The following ST7 variants were observed in gnomAD, a reference collection of about 807,000 sequenced individuals.
The protein encoded by ST7 is suppressor of tumorigenicity 7 protein.
ST7 carries 28 observed loss-of-function variants against 78.7 expected under a neutral mutation model. That is an observed-to-expected ratio of 0.36 (90% CI 0.26 to 0.49). The LOEUF (loss-of-function observed/expected upper bound fraction) is 0.49, where lower values mean the gene tolerates loss of function less well. Ranked by LOEUF, ST7 falls within the 20% of genes least tolerant of loss-of-function variation. ST7 has a pLI of 0.99. For missense variants in ST7, 418 were observed against 696.0 expected, an observed-to-expected ratio of 0.60 and a Z score of 4.49; for synonymous variants, 247 against 249.6, an observed-to-expected ratio of 0.99 and a Z score of 0.10.
At chr7:117,096,067 C>CAAA (rs35970973) in intron 1 of ST7, among the ~76,000 whole-genome samples, 759 of 35,662 alleles carry the variant, frequency 0.021, 36 homozygotes, top group Non-Finnish European at 0.026. Context: ...GATTCTGCCT[C>CAAA]AAAAAAAAAA....
At chr7:116,997,197 C>T (rs1423284242) in intron 1 of ST7, among the ~76,000 whole-genome samples, 1 of 152,074 alleles carries the variant, frequency 6.6e-6, no homozygotes, top group Non-Finnish European at 1.5e-5. Context: ...TAGTGCCGAC[C>T]CAAAGAGTGA....
At chr7:117,107,905 G>A (rs1263355357) in intron 2 of ST7, among the ~76,000 whole-genome samples, 1 of 151,534 alleles carries the variant, frequency 6.6e-6, no homozygotes, top group Non-Finnish European at 1.5e-5. Flanking sequence ...GTCAGCCACT[G>A]CACCCGGCCC....
At chr7:117,197,970 C>T (rs1810478120) in intron 12 of ST7, among the ~76,000 whole-genome samples, 1 of 152,120 alleles carries the variant, frequency 6.6e-6, no homozygotes, top group Non-Finnish European at 1.5e-5. Flanking sequence ...ACTTGGGAGG[C>T]TGAGCCAGAA....
chr7:117,033,339 A>G (rs1270212378), intron 1 of ST7, among the ~76,000 whole-genome samples: 1 of 152,046 alleles, frequency 6.6e-6, no homozygotes, highest in African/African-American at 2.4e-5. Context: ...GGCAGTTTAC[A>G]TTCTAAGGGG....
At chr7:117,029,277 A>C (rs1024831167) in intron 1 of ST7, among the ~76,000 whole-genome samples, 1 of 152,016 alleles carries the variant, frequency 6.6e-6, no homozygotes, top group African/African-American at 2.4e-5. Context: ...AGTCTTTTTA[A>C]TTTTTGCCAA....
intron 1 of ST7, among the ~76,000 whole-genome samples, chr7:117,026,790 G>T (rs1196935585): frequency 6.6e-6 from 1 of 152,200 alleles, no homozygotes; most frequent in South Asian, 2.1e-4. Flanking sequence ...CTTATCAAGG[G>T]GTGTTTGTGG....
chr7:117,197,368 C>T (rs1009319595), intron 12 of ST7, among the ~76,000 whole-genome samples: 21 of 152,236 alleles, frequency 1.4e-4, no homozygotes, highest in Admixed American at 4.6e-4. Context: ...ATTGACATGA[C>T]GGGTCAACTT....
chr7:117,198,426 G>T, intron 12 of ST7: 1 of 389,728 alleles, frequency 2.6e-6, no homozygotes, highest in South Asian at 1.9e-5. Flanking sequence ...GCACCTCAAT[G>T]CCTTGGCCTT....
Position 117,230,075 on chromosome 7 carries a change from A to G in ST7, c.*218A>G, listed in dbSNP as rs780900255. 1.4e-6 allele frequency: 1 copy of G among 708,680 alleles called. No individual in the cohort carries two copies. The highest frequency in any genetic ancestry group is 1.5e-5 in the South Asian group (1 of 66,252). The allele number at this position is 708,680 out of a possible 1,614,324, so 43.9% of individuals were successfully genotyped here. On this transcript the variant is annotated 3_prime_UTR_variant, in exon 16 of 16. Coordinates refer to ENST00000323984, the MANE Select transcript of ST7 (RefSeq NM_001369598.1). ...TTTGCCTTCAGAAAAGAAGAAAGTC[A>G]AAAATAAAACTTTTGTGTATTACAG...
rs550508659 is a variant in ST7, at chr7:116,969,195, A to T, written c.151+15504A>T. Among the ~76,000 whole-genome samples, 10 of 152,188 alleles carry T rather than the reference A, an allele frequency of 6.6e-5. No individual in the cohort carries two copies. In the South Asian group the frequency reaches 2.1e-3, roughly 32 times the overall value. ...TTTGAGGAGTATCATATCTCCCTAC[A>T]ATCCTCTTGCATGTGGCAGTTTTTC... On this transcript the variant is annotated intron_variant, in intron 1 of 15. Transcript: ENST00000323984.
chr7:117,061,534 C>G (rs1463184261), intron 1 of ST7, among the ~76,000 whole-genome samples: 4 of 152,068 alleles, frequency 2.6e-5, no homozygotes, highest in Middle Eastern at 3.2e-3. Context: ...TGTAAATTAT[C>G]TGAATCCCAG....
At chr7:117,022,592 A>G (rs1795980170) in intron 1 of ST7, among the ~76,000 whole-genome samples, 1 of 152,196 alleles carries the variant, frequency 6.6e-6, no homozygotes, top group African/African-American at 2.4e-5. Flanking sequence ...ATTCAGGAAA[A>G]TAGTCACATT....
At chr7:117,201,818 G>A (rs1195849151) in intron 12 of ST7, among the ~76,000 whole-genome samples, 1 of 151,846 alleles carries the variant, frequency 6.6e-6, no homozygotes, top group Non-Finnish European at 1.5e-5. Flanking sequence ...TATGTCTTGA[G>A]GCCATCTCGA....
rs1792929684 is a variant in ST7, at chr7:117,219,491, G to C, written c.1498+315G>C. Among the ~76,000 whole-genome samples the C allele has an allele frequency of 6.6e-6, 1 of 152,242 alleles. No homozygotes were observed. The highest frequency in any genetic ancestry group is 1.5e-5 in the Non-Finnish European group (1 of 68,042). On this transcript the variant is annotated intron_variant, in intron 14 of 15. Coordinates refer to ENST00000323984, the MANE Select transcript of ST7 (RefSeq NM_001369598.1). The surrounding 1 kb of genome is among the most constrained non-coding windows in gnomAD (Gnocchi z 5.1). ...GGTGTCTGCTGGGCTGGTCCATTGT[G>C]AGGGTTCTGCCTGGGCTCTTCAGCT...
chr7:117,116,962 A>C (rs894236497), intron 2 of ST7, among the ~76,000 whole-genome samples: 1 of 152,220 alleles, frequency 6.6e-6, no homozygotes, highest in Non-Finnish European at 1.5e-5. Context: ...GGACAGTGTC[A>C]GAGGGCACTT....
At chr7:117,176,986 A>C (rs1276149256) in intron 10 of ST7, among the ~76,000 whole-genome samples, 7 of 152,208 alleles carry the variant, frequency 4.6e-5, no homozygotes, top group Non-Finnish European at 1.0e-4. Context: ...GCAAGTGCTC[A>C]AAGAGAGTCC....
chr7:117,116,654 C>T (rs1041795240), intron 2 of ST7, among the ~76,000 whole-genome samples: 3 of 152,132 alleles, frequency 2.0e-5, no homozygotes, highest in African/African-American at 7.2e-5. Context: ...CCCCTGTACA[C>T]AGCAGAGGTC....
chr7:116,987,525 C>T (rs1794238281), intron 1 of ST7, among the ~76,000 whole-genome samples: 1 of 152,236 alleles, frequency 6.6e-6, no homozygotes, highest in Admixed American at 6.5e-5. Flanking sequence ...ACACCCTGAA[C>T]TTCAGACATA....
chr7:116,980,335 C>T (rs1307662838), intron 1 of ST7, among the ~76,000 whole-genome samples: 1 of 152,130 alleles, frequency 6.6e-6, no homozygotes, highest in Non-Finnish European at 1.5e-5. Flanking sequence ...AAGTTAGACA[C>T]CTGTAGTTTA....
Sources: allele counts gnomAD v4.1 joint callset (sites outside exome capture counted in the v4.1 genomes callset), GRCh38; gene constraint gnomAD v4.1.1; non-coding constraint Gnocchi (gnomAD v3.1); transcripts MANE v1.5; gene names NCBI Gene and HGNC (gene_info 2026-07-23, HGNC 2026-07-21).